Variants in HELZ observed in about 807,000 individuals in gnomAD.
HELZ encodes helicase with zinc finger.
A neutral mutation model predicts 218.2 loss-of-function variants in HELZ; 23 were observed. The ratio of observed to expected loss-of-function variants is 0.11; its 90% CI spans 0.08 to 0.15. The LOEUF is 0.15. HELZ is among the 10% of genes least tolerant of loss of function. The probability of loss-of-function intolerance (pLI) is 1.00; values close to 1 mark genes in which losing one functional copy is unlikely to be tolerated. For missense variants in HELZ, 1,813 were observed against 2,353.7 expected (o/e 0.77, Z 4.75); for synonymous variants, 814 against 829.4 (o/e 0.98, Z 0.32).
At chr17:67,169,877 G>T (rs1488391112) in intron 13 of HELZ, among the ~76,000 whole-genome samples, 1 of 152,154 alleles carries the variant, frequency 6.6e-6, no homozygotes, top group East Asian at 1.9e-4. Context: ...ACAAGCACAG[G>T]ATAAACATTC....
chr17:67,192,619 G>A (rs554885613), intron 9 of HELZ, among the ~76,000 whole-genome samples: 27 of 152,126 alleles, frequency 1.8e-4, no homozygotes, highest in African/African-American at 6.5e-4. Context: ...CCTTTTCATA[G>A]GATTGTGTTC....
At chr17:67,158,641 T>TGAAATTTGC (rs2038910580) in intron 17 of HELZ, among the ~76,000 whole-genome samples, 2 of 152,326 alleles carry the variant, frequency 1.3e-5, no homozygotes, top group Middle Eastern at 3.4e-3. Context: ...TGAATATATT[T>TGAAATTTGC]ATAAATGTTT....
chr17:67,168,895 C>T (rs976083259), intron 13 of HELZ, among the ~76,000 whole-genome samples: 6 of 152,118 alleles, frequency 3.9e-5, no homozygotes, highest in Non-Finnish European at 1.5e-5. Context: ...AGTTCAAGAC[C>T]AGCCTGGCCA....
chr17:67,163,998 C>T (rs568655902), intron 15 of HELZ, among the ~76,000 whole-genome samples: 1 of 152,296 alleles, frequency 6.6e-6, no homozygotes, highest in East Asian at 1.9e-4. Flanking sequence ...ATGTAATTTT[C>T]AGAAGTGAGC....
chr17:67,120,782 A>C (rs1352312241), intron 26 of HELZ, among the ~76,000 whole-genome samples, 170 bp from the exon 27 acceptor site: 1 of 152,234 alleles, frequency 6.6e-6, no homozygotes, highest in African/African-American at 2.4e-5. Context: ...AATACTAACA[A>C]TTGTGTCTTA....
Position 67,123,040 on chromosome 17 carries a change from T to C in HELZ, c.3560A>G (p.His1187Arg), listed in dbSNP as rs1167657785. 2 of 1,613,474 alleles carry C rather than the reference T, an allele frequency of 1.2e-6. No individual in the cohort carries two copies. Among genetic ancestry groups the C allele is most frequent in the Non-Finnish European group, 1.7e-6 (2 of 1,179,524 alleles). The change falls in exon 26 of 33, where the codon CAC becomes CGC. Residue 1187 changes from histidine (H) to arginine (R), a missense_variant. His to Arg is a conservative substitution (Grantham distance 29, BLOSUM62 0). This residue lies in a region of HELZ where 938 missense variants were observed against 1,027.5 expected (regional missense o/e 0.91). Transcript: ENST00000358691. ...TACATAAAGAATACTTGTCCCAGTG[T>C]GAGGATCTATTCTTTGAACAGGGCT... is the stretch of plus-strand genomic sequence containing the variant. ...SPSPVQRIDP[H>R]TGTSILYVPA...
At chr17:67,148,008 A>G (rs1208233123) in intron 20 of HELZ, among the ~76,000 whole-genome samples, 2 of 152,218 alleles carry the variant, frequency 1.3e-5, no homozygotes, top group Non-Finnish European at 1.5e-5. Context: ...GTAAATGTAA[A>G]TAACTGTTTC....
At chr17:67,186,884 T>C (rs2039770496) in intron 12 of HELZ, among the ~76,000 whole-genome samples, 1 of 152,202 alleles carries the variant, frequency 6.6e-6, no homozygotes, top group Admixed American at 6.5e-5. Flanking sequence ...GTTCTCAAGG[T>C]CTGGTCTCTA....
At chr17:67,156,792 T>C (rs922391502) in intron 17 of HELZ, among the ~76,000 whole-genome samples, 18 of 152,132 alleles carry the variant, frequency 1.2e-4, no homozygotes, top group African/African-American at 4.1e-4. Context: ...AATTAATATT[T>C]CATTGTAAAA....
intron 3 of HELZ, among the ~76,000 whole-genome samples, chr17:67,239,207 C>G (rs990007517): frequency 6.6e-6 from 1 of 152,180 alleles, no homozygotes; most frequent in Non-Finnish European, 1.5e-5. Context: ...GAAGATTAAC[C>G]TACCCTCACT....
chr17:67,117,072 C>T (rs1598258930), intron 27 of HELZ, among the ~76,000 whole-genome samples: 1 of 152,220 alleles, frequency 6.6e-6, no homozygotes, highest in East Asian at 1.9e-4. Context: ...CCAGGCTGGT[C>T]TCAAACTCCT....
intron 7 of HELZ, among the ~76,000 whole-genome samples, chr17:67,195,845 T>TC (rs2040010514): frequency 4.2e-5 from 6 of 144,238 alleles, no homozygotes; most frequent in African/African-American, 1.6e-4. Context: ...TTCCTTTTTT[T>TC]TTTTTTCTTT....
intron 14 of HELZ, 130 bp from the exon 15 acceptor site, chr17:67,166,738 G>T: frequency 1.5e-6 from 1 of 681,884 alleles, no homozygotes; most frequent in Non-Finnish European, 2.4e-6. Context: ...TATAATCATA[G>T]TCTAATCATA....
At chr17:67,092,045 T>C (rs2036588922) in intron 31 of HELZ, among the ~76,000 whole-genome samples, 1 of 152,238 alleles carries the variant, frequency 6.6e-6, no homozygotes, top group African/African-American at 2.4e-5. Flanking sequence ...TAACGTGTGA[T>C]GAATAAACTG....
chr17:67,078,581 G>A lies in HELZ; in HGVS notation c.5500C>T (p.Pro1834Ser), dbSNP rs1375148759. ...TAQPRELIAP[P>S]KTVKPPEDQL... ...TCCTCAGGGGGTTTGACAGTCTTGG[G>A]TGGCGCTAAAAGCAGAGAACAGTGA... Residue 1834 changes from proline (P) to serine (S), a missense_variant, in exon 33 of 33, where the codon CCC (proline) becomes TCC (serine). This residue lies in a region of HELZ where 938 missense variants were observed against 1,027.5 expected (regional missense o/e 0.91). Coordinates refer to ENST00000358691, the MANE Select transcript of HELZ (RefSeq NM_014877.4). 7 of 1,478,916 alleles carry A rather than the reference G, an allele frequency of 4.7e-6. No homozygotes were observed. Among genetic ancestry groups the A allele is most frequent in the South Asian group, 3.0e-5 (2 of 67,212 alleles). The allele number at this position is 1,478,916 out of a possible 1,614,324, so 91.6% of individuals were successfully genotyped here.
At chr17:67,155,134 G>T (rs931051617) in intron 17 of HELZ, among the ~76,000 whole-genome samples, 14 of 152,208 alleles carry the variant, frequency 9.2e-5, no homozygotes, top group African/African-American at 3.4e-4. Flanking sequence ...CTAGTTAAGT[G>T]TGTGTACAAA....
chr17:67,181,756 T>C (rs760063896), intron 12 of HELZ, among the ~76,000 whole-genome samples: 1 of 152,072 alleles, frequency 6.6e-6, no homozygotes, highest in African/African-American at 2.4e-5. Context: ...TACAAACTAC[T>C]GATCTAAGTC....
intron 27 of HELZ, among the ~76,000 whole-genome samples, chr17:67,117,282 T>A (rs552361960): frequency 6.6e-6 from 1 of 152,304 alleles, no homozygotes; most frequent in Admixed American, 6.5e-5. Context: ...AAATATGTTC[T>A]CTTAACACAA....
intron 27 of HELZ, among the ~76,000 whole-genome samples, chr17:67,119,780 C>T (rs778643048): frequency 4.6e-5 from 7 of 151,838 alleles, no homozygotes; most frequent in South Asian, 2.1e-4. Context: ...CAGGAGAGGA[C>T]CTTCCATCTC....
Sources: gnomAD v4.1 joint callset for allele counts (sites outside exome capture counted in the v4.1 genomes callset) on GRCh38, gnomAD v4.1.1 for gene constraint, gnomAD v4.1.1 regional missense constraint, MANE v1.5 for transcripts, NCBI Gene and HGNC (gene_info 2026-07-23, HGNC 2026-07-21) for gene names.